The following IREB2 variants were observed in gnomAD, a reference collection of about 807,000 sequenced individuals.
IREB2 encodes the protein iron responsive element binding protein 2, also known as iron-responsive element-binding protein 2.
IREB2 carries 39 observed loss-of-function variants against 118.8 expected under a neutral mutation model. The observed-to-expected ratio is 0.33, with a 90% CI of 0.25 to 0.43. The LOEUF (loss-of-function observed/expected upper bound fraction) is 0.43. Among genes scored for constraint, IREB2 ranks in the 20% least tolerant of loss-of-function variants. The pLI is 1.00. For missense variants in IREB2, 900 were observed against 1,147.3 expected, an observed-to-expected ratio of 0.78 and a Z score of 3.11; for synonymous variants, 372 against 392.2, an observed-to-expected ratio of 0.95 and a Z score of 0.61.
chr15:78,495,513 C>G (rs962928014), intron 20 of IREB2, among the ~76,000 whole-genome samples: 1 of 152,048 alleles, frequency 6.6e-6, no homozygotes, highest in African/African-American at 2.4e-5. Flanking sequence ...TTAAGCGATT[C>G]TATATGTCAT....
chr15:78,459,024 C>T (rs2141469960), intron 2 of IREB2, among the ~76,000 whole-genome samples: 1 of 152,086 alleles, frequency 6.6e-6, no homozygotes, highest in Middle Eastern at 3.4e-3. Flanking sequence ...TAGTCTTGAT[C>T]TCCTGGACTC....
Position 78,438,366 on chromosome 15 carries a change from G to T in IREB2, c.19+10G>T. ...GACGCCCCAAAAGCAGGTCAGTTTC[G>T]GGCCTCCGAGCTGGGTCTGGCAGTT... On this transcript the variant is annotated intron_variant, in intron 1 of 21. Transcript: ENST00000258886. The T allele has an allele frequency of 6.3e-7, 1 of 1,596,204 alleles. No individual in the cohort carries two copies.
At position 78,498,808 on chromosome 15, in the gene IREB2, A is replaced by G. The variant is rs1019236015; in HGVS notation, c.*665A>G. Reference sequence around the variant, plus strand: ...AGGATACAACTGATTGTGTGGCACCATGTATTAGCAGTGGGAATATGTATC... The same window carrying G: ...AGGATACAACTGATTGTGTGGCACCGTGTATTAGCAGTGGGAATATGTATC... On this transcript the variant is annotated 3_prime_UTR_variant, in exon 22 of 22. Coordinates refer to ENST00000258886, the MANE Select transcript of IREB2 (RefSeq NM_004136.4). 1 of 152,234 alleles carries G rather than the reference A, an allele frequency of 6.6e-6. No individual in the cohort carries two copies. The highest frequency in any genetic ancestry group is 2.4e-5 in the African/African-American group (1 of 41,460). The allele number at this position is 152,234 out of a possible 1,614,324, so 9.4% of individuals were successfully genotyped here.
rs1396722526 is a variant in IREB2, at chr15:78,480,669, A to G, written c.1296+2272A>G. Among the ~76,000 whole-genome samples, 8 of 123,988 alleles carry G rather than the reference A, an allele frequency of 6.5e-5. No individual in the cohort carries two copies. The Admixed American group carries it at 7.4e-4, about 12-fold the overall frequency. 81.3% of individuals were successfully genotyped at this position (123,988 alleles called of 152,430 possible). A position where few individuals can be genotyped will look rare whatever the true frequency, so the allele number is the denominator to read the frequency against. On this transcript the variant is annotated intron_variant, in intron 10 of 21. Transcript: ENST00000258886. ...ACACCACTACATTTCAGCCTGGGCA[A>G]CAGAATGAGACTGTCTTAAAAAAAA...
rs556851456 is a variant in IREB2, at chr15:78,493,819, T to C, written c.2325-90T>C. 179 of 1,244,042 alleles carry C rather than the reference T, an allele frequency of 1.4e-4. No homozygotes were observed. In the South Asian group the frequency reaches 2.7e-3, roughly 19 times the overall value. 77.1% of individuals were successfully genotyped at this position (1,244,042 alleles called of 1,614,324 possible). On this transcript the variant is annotated intron_variant, in intron 18 of 21. Coordinates refer to ENST00000258886, the MANE Select transcript of IREB2 (RefSeq NM_004136.4). ...CTTTTGTGTTTGAAATTTTCTGTGA[T>C]AAAAAAATTTTTCAATAGGTCTTAC...
intron 2 of IREB2, among the ~76,000 whole-genome samples, chr15:78,451,817 A>G (rs1425031816): frequency 2.0e-5 from 3 of 151,942 alleles, no homozygotes; most frequent in African/African-American, 7.2e-5. Context: ...CCTTCCTAGT[A>G]GCTGGAACTA....
Position 78,501,143 on chromosome 15 carries a change from C to T in IREB2, c.*3000C>T, listed in dbSNP as rs2051937849. ...TAATAAGAGAGAAGAAGAGGGTGGA[C>T]TTTGGCTTTTCAGTGTTTTTTCCCC... On this transcript the variant is annotated 3_prime_UTR_variant, in exon 22 of 22. Coordinates refer to ENST00000258886, the MANE Select transcript of IREB2 (RefSeq NM_004136.4). 6.6e-6 allele frequency: 1 copy of T among 152,168 alleles called. No individual in the cohort carries two copies. Among genetic ancestry groups the T allele is most frequent in the African/African-American group, 2.4e-5 (1 of 41,436 alleles). 9.4% of individuals were successfully genotyped at this position (152,168 alleles called of 1,614,324 possible).
At chr15:78,480,953 G>A (rs1199508407) in intron 10 of IREB2, among the ~76,000 whole-genome samples, 2 of 151,566 alleles carry the variant, frequency 1.3e-5, no homozygotes, top group Non-Finnish European at 2.9e-5. Context: ...AGGTTGCAAT[G>A]AGCTGAGATG....
At chr15:78,496,934 G>C (rs1170919780) in intron 20 of IREB2, among the ~76,000 whole-genome samples, 192 bp from the exon 21 acceptor site, 1 of 152,130 alleles carries the variant, frequency 6.6e-6, no homozygotes, top group Non-Finnish European at 1.5e-5. Context: ...ATAATTTAGA[G>C]AGCTCCATAA....
At chr15:78,469,468 C>G (rs1324413843) in intron 5 of IREB2, among the ~76,000 whole-genome samples, 1 of 151,830 alleles carries the variant, frequency 6.6e-6, no homozygotes, top group Non-Finnish European at 1.5e-5. Flanking sequence ...ACCTGTAATC[C>G]CAGCACTTTG....
At chr15:78,492,935 C>T (rs575211818) in intron 18 of IREB2, among the ~76,000 whole-genome samples, 194 of 152,220 alleles carry the variant, frequency 1.3e-3, no homozygotes, top group Middle Eastern at 3.4e-3. Context: ...CACTATTTTA[C>T]GGTCTCTAAT....
At chr15:78,452,615 C>G (rs1174412612) in intron 2 of IREB2, among the ~76,000 whole-genome samples, 1 of 152,022 alleles carries the variant, frequency 6.6e-6, no homozygotes, top group Admixed American at 6.6e-5. Flanking sequence ...GTGTTAAGAA[C>G]TATAAAGGAG....
At chr15:78,438,462 C>A (rs570094634) in intron 1 of IREB2, 106 bp downstream of exon 1, 2 of 1,304,588 alleles carry the variant, frequency 1.5e-6, no homozygotes, top group South Asian at 1.3e-5. Flanking sequence ...GGCGCCCAGG[C>A]CCTCGGGGCT....
chr15:78,441,197 T>C (rs2050838889), intron 2 of IREB2, among the ~76,000 whole-genome samples: 1 of 152,246 alleles, frequency 6.6e-6, no homozygotes, highest in Non-Finnish European at 1.5e-5. Context: ...TGGAGTATCT[T>C]AAAGAATCCC....
chr15:78,498,947 T>A lies in IREB2; in HGVS notation c.*804T>A, dbSNP rs1161152281. On this transcript the variant is annotated 3_prime_UTR_variant, in exon 22 of 22. Coordinates refer to ENST00000258886, the MANE Select transcript of IREB2 (RefSeq NM_004136.4). ...TTATTTTGCTCACCTTATGTAATAC[T>A]GTAACTTCCTATAACCTAATATTTT... The A allele has an allele frequency of 6.6e-6, 1 of 152,256 alleles. No homozygotes were observed. Among genetic ancestry groups the A allele is most frequent in the African/African-American group, 2.4e-5 (1 of 41,458 alleles). The allele number at this position is 152,256 out of a possible 1,614,324, so 9.4% of individuals were successfully genotyped here.
intron 18 of IREB2, among the ~76,000 whole-genome samples, chr15:78,493,124 A>G (rs2051779016): frequency 6.6e-6 from 1 of 152,222 alleles, no homozygotes; most frequent in Admixed American, 6.5e-5. Flanking sequence ...AGAAGGCAGA[A>G]GAACATGTTA....
intron 7 of IREB2, among the ~76,000 whole-genome samples, chr15:78,472,339 C>A (rs564205082): frequency 1.5e-4 from 23 of 152,012 alleles, no homozygotes; most frequent in African/African-American, 5.1e-4. Flanking sequence ...TCTTTACTTA[C>A]GTGGGCTGTC....
At chr15:78,479,978 A>T (rs1215034457) in intron 10 of IREB2, 4 of 152,034 alleles carry the variant, frequency 2.6e-5, no homozygotes, top group Admixed American at 1.3e-4. Flanking sequence ...ATTCACTTCC[A>T]GGGAAGCCTT....
intron 7 of IREB2, 114 bp from the exon 8 acceptor site, chr15:78,473,128 A>G (rs1223046674): frequency 2.0e-6 from 2 of 977,192 alleles, no homozygotes; most frequent in Non-Finnish European, 3.1e-6. Context: ...CAATATAGCA[A>G]CTCTGCAAAG....
Sources: gnomAD v4.1 joint callset for allele counts (sites outside exome capture counted in the v4.1 genomes callset) on GRCh38, gnomAD v4.1.1 for gene constraint, MANE v1.5 for transcripts, NCBI Gene and HGNC (gene_info 2026-07-23, HGNC 2026-07-21) for gene names.